Variants in MBOAT1 observed in about 807,000 individuals in gnomAD.
MBOAT1 encodes the protein membrane bound glycerophospholipid O-acyltransferase 1.
MBOAT1 carries 67 observed loss-of-function variants against 64.4 expected under a neutral mutation model. The observed-to-expected ratio is 1.04, with a 90% CI of 0.85 to 1.27. The LOEUF is 1.27. Ranked by LOEUF, MBOAT1 falls within the 50% of genes most tolerant of loss-of-function variation. The pLI is 0.00. For synonymous variants in MBOAT1, 229 were observed against 218.9 expected (o/e 1.05, Z -0.41); for missense variants, 563 against 604.6 (o/e 0.93, Z 0.72).
At chr6:20,162,052 C>G (rs1761881228) in intron 1 of MBOAT1, among the ~76,000 whole-genome samples, 1 of 152,104 alleles carries the variant, frequency 6.6e-6, no homozygotes, top group Admixed American at 6.6e-5. Flanking sequence ...GTCCTAATCT[C>G]TTCTTACAAG....
chr6:20,126,468 G>A (rs780745085), intron 7 of MBOAT1, 49 bp downstream of exon 7: 2 of 1,480,774 alleles, frequency 1.4e-6, no homozygotes, highest in African/African-American at 2.9e-5. Context: ...TTATTAGAGA[G>A]AGTCAACCCT....
chr6:20,193,005 T>C (rs1314486310), intron 1 of MBOAT1, among the ~76,000 whole-genome samples: 2 of 95,026 alleles, frequency 2.1e-5, no homozygotes, highest in African/African-American at 6.9e-5. Context: ...CTTTTTTTTT[T>C]TTTTTTTTTT....
At position 20,212,447 on chromosome 6, in the gene MBOAT1, C is replaced by T; in HGVS notation, c.-213G>A. On this transcript the variant is annotated 5_prime_UTR_variant, in exon 1 of 13. Transcript: ENST00000324607. ...AAACTTGGCTTTGGCGCTGGCGCTG[C>T]AGCCACGGGCGCCGTAGGAGGGCCG... The T allele has an allele frequency of 1.8e-6, 1 of 563,942 alleles. No homozygotes were observed. Among genetic ancestry groups the T allele is most frequent in the Non-Finnish European group, 3.1e-6 (1 of 320,340 alleles). The allele number at this position is 563,942 out of a possible 1,614,324, so 34.9% of individuals were successfully genotyped here.
At chr6:20,128,180 A>G (rs1010738501) in intron 6 of MBOAT1, among the ~76,000 whole-genome samples, 4 of 147,802 alleles carry the variant, frequency 2.7e-5, no homozygotes, top group African/African-American at 5.0e-5. Flanking sequence ...CTTCTCCAAC[A>G]CTCCCCCTTC....
chr6:20,193,165 C>T (rs571728378), intron 1 of MBOAT1, among the ~76,000 whole-genome samples: 1 of 151,754 alleles, frequency 6.6e-6, no homozygotes, highest in African/African-American at 2.4e-5. Flanking sequence ...GCCACCGCGC[C>T]CGGCTAATTT....
rs2113615845 is a variant in MBOAT1 at position 20,100,021 on chromosome 6, C to A, written c.*2265G>T. 6.6e-6 allele frequency among the ~76,000 whole-genome samples: 1 copy of A among 152,284 alleles called. No homozygotes were observed. The highest frequency in any genetic ancestry group is 6.5e-5 in the Admixed American group (1 of 15,296). ...TCAACTCCTAGAGGTTTGACTTCTCCTCATCCCATAAGGAGTAATCAATTC... is the reference window on the plus strand; with the variant it reads ...TCAACTCCTAGAGGTTTGACTTCTCATCATCCCATAAGGAGTAATCAATTC... On this transcript the variant is annotated 3_prime_UTR_variant, in exon 13 of 13. Transcript: ENST00000324607.
intron 11 of MBOAT1, among the ~76,000 whole-genome samples, chr6:20,111,866 A>C (rs1561746358): frequency 1.4e-5 from 2 of 138,654 alleles, no homozygotes; most frequent in African/African-American, 5.6e-5. Context: ...ATACATATAT[A>C]TACATATATA....
intron 1 of MBOAT1, among the ~76,000 whole-genome samples, chr6:20,200,018 T>C (rs1763075669): frequency 6.6e-6 from 1 of 152,202 alleles, no homozygotes; most frequent in Non-Finnish European, 1.5e-5. Context: ...ACATTTATTG[T>C]ATGGGGACAA....
intron 5 of MBOAT1, among the ~76,000 whole-genome samples, chr6:20,130,802 C>T (rs1561754979): frequency 6.6e-6 from 1 of 151,882 alleles, no homozygotes; most frequent in Non-Finnish European, 1.5e-5. Flanking sequence ...AGAGATTAAA[C>T]CAAAGCTAAA....
At chr6:20,109,996 G>A (rs1760085038) in intron 11 of MBOAT1, among the ~76,000 whole-genome samples, 1 of 138,594 alleles carries the variant, frequency 7.2e-6, no homozygotes, top group African/African-American at 2.7e-5. Flanking sequence ...TGCAAGCTCT[G>A]CCTCCTGGGT....
At chr6:20,168,567 GA>G (rs1762085983) in intron 1 of MBOAT1, among the ~76,000 whole-genome samples, 13 of 118,324 alleles carry the variant, frequency 1.1e-4, no homozygotes, top group East Asian at 4.7e-4. Context: ...GAAAGAGAAA[GA>G]GAGAGAGAGA....
intron 1 of MBOAT1, among the ~76,000 whole-genome samples, chr6:20,182,994 C>G (rs980538127): frequency 3.9e-5 from 6 of 152,160 alleles, no homozygotes; most frequent in African/African-American, 1.4e-4. Context: ...ATTGGCAGTA[C>G]ATGCGTAAAA....
At chr6:20,128,820 G>T (rs1485875041) in intron 5 of MBOAT1, 67 bp from the exon 6 acceptor site, 2 of 1,138,470 alleles carry the variant, frequency 1.8e-6, no homozygotes, top group South Asian at 1.4e-5. Context: ...TTATAAAAGG[G>T]TCTTATCAAA....
chr6:20,138,711 G>T (rs1761075392), intron 4 of MBOAT1, among the ~76,000 whole-genome samples: 3 of 152,188 alleles, frequency 2.0e-5, no homozygotes. Flanking sequence ...AGGATCAGGG[G>T]ACGGTTGTTA....
intron 12 of MBOAT1, 49 bp downstream of exon 12, chr6:20,109,549 G>C (rs1171396996): frequency 6.3e-7 from 1 of 1,586,856 alleles, no homozygotes. Flanking sequence ...CAAACACAGT[G>C]AAAATAGAGT....
intron 11 of MBOAT1, 152 bp from the exon 12 acceptor site, chr6:20,109,901 A>ACTTTTT (rs1760076157): frequency 3.4e-6 from 1 of 296,680 alleles, no homozygotes; most frequent in Non-Finnish European, 5.7e-6. Flanking sequence ...TACCATCAGG[A>ACTTTTT]CTTTTTTTTT....
intron 1 of MBOAT1, among the ~76,000 whole-genome samples, chr6:20,181,949 G>C (rs1762522645): frequency 6.6e-6 from 1 of 152,220 alleles, no homozygotes; most frequent in Non-Finnish European, 1.5e-5. Flanking sequence ...CTGGGCTCTA[G>C]AGTCGGAACA....
rs1309478809 is a variant in MBOAT1 at position 20,151,226 on chromosome 6, G to A, written c.282C>T (p.Cys94=). The change falls in exon 3 of 13, where the codon TGC becomes TGT. Residue 94 remains cysteine, a synonymous_variant. Transcript: ENST00000324607. ...SVHLFVLVLM[C]YAIMVTASVS... ...CACTAGCAGTGACCATGATTGCATA[G>A]CACATTAACACCAGCACAAAAAGAT... is the stretch of plus-strand genomic sequence containing the variant. 6.2e-7 allele frequency: 1 copy of A among 1,613,386 alleles called. No individual in the cohort carries two copies. The highest frequency in any genetic ancestry group is 8.5e-7 in the Non-Finnish European group (1 of 1,179,558).
intron 1 of MBOAT1, among the ~76,000 whole-genome samples, chr6:20,184,053 G>A (rs1422331661): frequency 6.6e-6 from 1 of 152,168 alleles, no homozygotes; most frequent in Non-Finnish European, 1.5e-5. Context: ...CATAACACGT[G>A]GGAATTCTGG....
Sources: allele counts gnomAD v4.1 joint callset (sites outside exome capture counted in the v4.1 genomes callset), GRCh38; gene constraint gnomAD v4.1.1; transcripts MANE v1.5; gene names NCBI Gene and HGNC (gene_info 2026-07-23, HGNC 2026-07-21).